Variants in NUP37 observed in about 807,000 individuals in gnomAD.
The protein encoded by NUP37 is nucleoporin Nup37.
NUP37 carries 33 observed loss-of-function variants against 45.4 expected under a neutral mutation model. The ratio of observed to expected loss-of-function variants is 0.73; its 90% CI spans 0.55 to 0.97. NUP37 has a LOEUF of 0.97. NUP37 is among the 50% of genes least tolerant of loss of function. The pLI is 0.00. For missense variants in NUP37, 365 were observed against 389.7 expected, an observed-to-expected ratio of 0.94 and a Z score of 0.53; for synonymous variants, 127 against 130.7, an observed-to-expected ratio of 0.97 and a Z score of 0.19.
At position 102,077,512 on chromosome 12, in the gene NUP37, C is replaced by T. The variant is rs1293994779; in HGVS notation, c.541-9G>A. 6.2e-7 allele frequency: 1 copy of T among 1,603,120 alleles called. No homozygotes were observed. Among genetic ancestry groups the T allele is most frequent in the South Asian group, 1.1e-5 (1 of 89,826 alleles). On this transcript the variant is annotated splice_polypyrimidine_tract_variant and intron_variant, in intron 6 of 9. Transcript: ENST00000552283. ...TTCTCTGCAACCATTAGCTGTAAGA[C>T]AGAAAAATAAAAAGAAACTCAATCA...
At position 102,077,312 on chromosome 12, in the gene NUP37, A is replaced by C; in HGVS notation, c.722+10T>G. The stretch of plus-strand genomic sequence containing the variant: ...TTGGTGTGTAATAGACAAACATATC[A>C]AGAAAGTACCTGGACCGAGTAATAT... On this transcript the variant is annotated intron_variant, in intron 7 of 9. Coordinates refer to ENST00000552283, the MANE Select transcript of NUP37 (RefSeq NM_024057.4). 6.2e-7 allele frequency: 1 copy of C among 1,613,820 alleles called. No individual in the cohort carries two copies. Among genetic ancestry groups the C allele is most frequent in the Non-Finnish European group, 8.5e-7 (1 of 1,179,814 alleles).
chr12:102,085,774 T>C lies in NUP37; in HGVS notation c.532A>G (p.Thr178Ala). 1 of 1,536,420 alleles carries C rather than the reference T, an allele frequency of 6.5e-7. No homozygotes were observed. Among genetic ancestry groups the C allele is most frequent in the Non-Finnish European group, 8.9e-7 (1 of 1,117,416 alleles). The stretch of plus-strand genomic sequence containing the variant: ...AAATTATAAATAATAACCTTAAAAG[T>C]CTCCTCAGGATGCCAGCACACACTC... ...GMSVCWHPEETFKLMVAEKNG... is the reference protein window; with the variant it reads ...GMSVCWHPEEAFKLMVAEKNG... Residue 178 changes from threonine to alanine, a missense_variant, in exon 6 of 10, where the codon ACT becomes GCT. Physicochemically the swap from Thr to Ala is moderately conservative, Grantham distance 58. Transcript: ENST00000552283.
chr12:102,109,815 C>G (rs1281508953), intron 3 of NUP37, among the ~76,000 whole-genome samples: 1 of 151,690 alleles, frequency 6.6e-6, no homozygotes, highest in Non-Finnish European at 1.5e-5. Context: ...TAGAATACAA[C>G]AGCTGAATAT....
chr12:102,092,984 T>C (rs987250421), intron 5 of NUP37, among the ~76,000 whole-genome samples: 1 of 152,126 alleles, frequency 6.6e-6, no homozygotes, highest in African/African-American at 2.4e-5. Flanking sequence ...GCAGTAGTAG[T>C]TTTAATGTAC....
chr12:102,078,980 T>C (rs1692450250), intron 6 of NUP37: 1 of 209,448 alleles, frequency 4.8e-6, no homozygotes, highest in African/African-American at 2.3e-5. Flanking sequence ...ATGAGATTGC[T>C]ACGAGTATCT....
chr12:102,089,610 C>T (rs1879587098), intron 5 of NUP37, among the ~76,000 whole-genome samples: 1 of 148,076 alleles, frequency 6.8e-6, no homozygotes, highest in Non-Finnish European at 1.5e-5. Flanking sequence ...CGAAGGGCGG[C>T]AGGGCAGAGG....
chr12:102,100,726 T>C (rs1200672494), intron 4 of NUP37, among the ~76,000 whole-genome samples: 1 of 152,216 alleles, frequency 6.6e-6, no homozygotes, highest in African/African-American at 2.4e-5. Flanking sequence ...CTATGAATGG[T>C]CATGTCTATT....
intron 1 of NUP37, 101 bp downstream of exon 1, chr12:102,119,949 G>T (rs1168894478): frequency 6.5e-6 from 1 of 153,434 alleles, no homozygotes. Context: ...CACCTCCCGG[G>T]GCCCGAAGTG....
At chr12:102,077,029 T>C (rs1879189779) in intron 7 of NUP37, 182 bp from the exon 8 acceptor site, 9 of 613,810 alleles carry the variant, frequency 1.5e-5, no homozygotes, top group South Asian at 2.0e-5. Flanking sequence ...TTAGAACCAC[T>C]GCAGGGAACC....
At chr12:102,100,225 T>C (rs1879932872) in intron 4 of NUP37, among the ~76,000 whole-genome samples, 1 of 152,190 alleles carries the variant, frequency 6.6e-6, no homozygotes, top group Non-Finnish European at 1.5e-5. Context: ...ATACAGTACA[T>C]TAAGCCCACT....
At chr12:102,114,443 C>A (rs1565837760) in intron 2 of NUP37, among the ~76,000 whole-genome samples, 1 of 151,720 alleles carries the variant, frequency 6.6e-6, no homozygotes, top group Non-Finnish European at 1.5e-5. Context: ...CTAAAAGGCC[C>A]GTGTGTGTGT....
At chr12:102,074,508 C>A in intron 9 of NUP37, 41 bp from the exon 10 acceptor site, 3 of 1,121,994 alleles carry the variant, frequency 2.7e-6, no homozygotes, top group South Asian at 2.9e-5. Flanking sequence ...CAGTAAGTCC[C>A]CAAAATTAAT....
chr12:102,120,085 T>G lies in NUP37; in HGVS notation c.-101A>C, dbSNP rs1305931374. The G allele has an allele frequency of 6.3e-6, 1 of 159,490 alleles. No homozygotes were observed. Among genetic ancestry groups the G allele is most frequent in the Non-Finnish European group, 1.4e-5 (1 of 71,796 alleles). 9.9% of individuals were successfully genotyped at this position (159,490 alleles called of 1,614,324 possible). A position where few individuals can be genotyped will look rare whatever the true frequency, so the allele number is the denominator to read the frequency against. On this transcript the variant is annotated 5_prime_UTR_variant, in exon 1 of 10. Transcript: ENST00000552283. Reference sequence around the variant, plus strand: ...CAGGAACCGACCAGAGGCAGGCTGGTCTTCCTTGGGGGCTGCCGCGACGCG... The same window carrying G: ...CAGGAACCGACCAGAGGCAGGCTGGGCTTCCTTGGGGGCTGCCGCGACGCG...
intron 3 of NUP37, among the ~76,000 whole-genome samples, chr12:102,103,216 C>T (rs1880025439): frequency 6.6e-6 from 1 of 152,126 alleles, no homozygotes; most frequent in African/African-American, 2.4e-5. Context: ...AATATTAATT[C>T]ATCCAATCCA....
At chr12:102,103,180 G>T (rs1281699520) in intron 3 of NUP37, among the ~76,000 whole-genome samples, 1 of 152,068 alleles carries the variant, frequency 6.6e-6, no homozygotes, top group African/African-American at 2.4e-5. Flanking sequence ...TCTGTGGATT[G>T]CTTTGAGGAG....
At chr12:102,096,111 G>A (rs541125065) in intron 5 of NUP37, among the ~76,000 whole-genome samples, 6 of 152,004 alleles carry the variant, frequency 3.9e-5, no homozygotes, top group African/African-American at 1.2e-4. Flanking sequence ...TAAAATTAAG[G>A]GACGATAATA....
chr12:102,089,568 C>T (rs1879585047), intron 5 of NUP37, among the ~76,000 whole-genome samples: 1 of 143,070 alleles, frequency 7.0e-6, no homozygotes, highest in African/African-American at 2.6e-5. Context: ...CTAGACGGGG[C>T]AGCCGGGCAG....
At chr12:102,104,813 T>C (rs1412939910) in intron 3 of NUP37, among the ~76,000 whole-genome samples, 5 of 152,240 alleles carry the variant, frequency 3.3e-5, no homozygotes, top group Admixed American at 1.3e-4. Context: ...TACATATTTA[T>C]CTTTATGCCA....
Position 102,101,112 on chromosome 12 carries a change from CAAA to C in NUP37, c.282-11_282-9del, listed in dbSNP as rs758417802. 3 of 1,524,654 alleles carry C rather than the reference CAAA, an allele frequency of 2.0e-6. No individual in the cohort carries two copies. In the East Asian group the frequency reaches 7.1e-5, roughly 36 times the overall value. The allele number at this position is 1,524,654 out of a possible 1,614,324, so 94.4% of individuals were successfully genotyped here. ...GCAGCTGAAGTACAAAATCTGGAAG[CAAA>C]AAAACAAAAATATACCAATTTTTAG... On this transcript the variant is annotated splice_polypyrimidine_tract_variant and intron_variant, in intron 3 of 9. Coordinates refer to ENST00000552283, the MANE Select transcript of NUP37 (RefSeq NM_024057.4).
Sources: gnomAD v4.1 joint callset for allele counts (sites outside exome capture counted in the v4.1 genomes callset) on GRCh38, gnomAD v4.1.1 for gene constraint, MANE v1.5 for transcripts, NCBI Gene and HGNC (gene_info 2026-07-23, HGNC 2026-07-21) for gene names.